The following CDH1 variants were observed in gnomAD, a reference collection of about 807,000 sequenced individuals.
CDH1 encodes cadherin-1.
A neutral mutation model predicts 84.5 loss-of-function variants in CDH1; 35 were observed. The ratio of observed to expected loss-of-function variants is 0.41; its 90% CI spans 0.32 to 0.55. The LOEUF is 0.55. Among genes scored for constraint, CDH1 ranks in the 20% least tolerant of loss-of-function variants. CDH1 has a pLI of 0.19. For synonymous variants in CDH1, 417 were observed against 439.0 expected, an observed-to-expected ratio of 0.95 and a Z score of 0.63; for missense variants, 994 against 1,126.6, an observed-to-expected ratio of 0.88 and a Z score of 1.68.
intron 10 of CDH1, among the ~76,000 whole-genome samples, chr16:68,818,721 G>A (rs1216612435): frequency 6.6e-6 from 1 of 150,704 alleles, no homozygotes; most frequent in African/African-American, 2.4e-5. Flanking sequence ...GTGATGGCGG[G>A]CGCCTCTAGT....
Position 68,833,574 on chromosome 16 carries a change from T to A in CDH1, c.*75T>A. On this transcript the variant is annotated 3_prime_UTR_variant, in exon 16 of 16. Coordinates refer to ENST00000261769, the MANE Select transcript of CDH1 (RefSeq NM_004360.5). The stretch of plus-strand genomic sequence containing the variant: ...ATCACGTTGCTGGTGGTTTTTCAGC[T>A]CCCTTCCCTTGAGATGAGTTTCTGG... The A allele has an allele frequency of 1.7e-6, 2 of 1,177,536 alleles. No homozygotes were observed. The highest frequency in any genetic ancestry group is 1.2e-5 in the South Asian group (1 of 81,892). The allele number at this position is 1,177,536 out of a possible 1,614,324, so 72.9% of individuals were successfully genotyped here.
chr16:68,737,462 A>T lies in CDH1; in HGVS notation c.47A>T (p.Gln16Leu), dbSNP rs775705607. 1 of 1,537,364 alleles carries T rather than the reference A, an allele frequency of 6.5e-7. No homozygotes were observed. The highest frequency in any genetic ancestry group is 8.7e-7 in the Non-Finnish European group (1 of 1,148,352). Residue 16 changes from glutamine (Q) to leucine (L), a missense_variant and splice_region_variant, in exon 1 of 16, where the codon CAG (glutamine) becomes CTG (leucine). Physicochemically the swap from Gln to Leu is moderately radical, Grantham distance 113. This residue lies in a region of CDH1 where 203 missense variants were observed against 194.0 expected (regional missense o/e 1.05). Coordinates refer to ENST00000261769, the MANE Select transcript of CDH1 (RefSeq NM_004360.5). Reference sequence around the variant, plus strand: ...CTCTCGGCGCTGCTGCTGCTGCTGCAGGTACCCCGGATCCCCTGACTTGCG... The same window carrying T: ...CTCTCGGCGCTGCTGCTGCTGCTGCTGGTACCCCGGATCCCCTGACTTGCG... ...RSLSALLLLL[Q>L]VSSWLCQEPE...
At position 68,821,885 on chromosome 16, in the gene CDH1, GGCC is replaced by G. The variant is rs1961152611; in HGVS notation, c.1712-115_1712-113del. ...ACAGGAGGTTCTGCGGGTGGAGTGG[GGCC>G]TGGTGAGGGACCACTGAAGAGCCAG... On this transcript the variant is annotated intron_variant, in intron 11 of 15. Coordinates refer to ENST00000261769, the MANE Select transcript of CDH1 (RefSeq NM_004360.5). The G allele has an allele frequency of 8.8e-5, 71 of 803,856 alleles. 1 individual carries two copies. The South Asian group carries it at 9.6e-4, about 11-fold the overall frequency. The allele number at this position is 803,856 out of a possible 1,614,324, so 49.8% of individuals were successfully genotyped here. A position where few individuals can be genotyped will look rare whatever the true frequency, so the allele number is the denominator to read the frequency against.
At chr16:68,758,809 A>ATT (rs71268475) in intron 2 of CDH1, among the ~76,000 whole-genome samples, 32,475 of 142,206 alleles carry the variant, frequency 0.23, 4,200 homozygotes, top group East Asian at 0.29. Flanking sequence ...TTTGAGTGCA[A>ATT]TTTTTTTTTT....
chr16:68,829,632 C>T (rs763184960), intron 14 of CDH1, 22 bp from the exon 15 acceptor site: 1 of 1,613,476 alleles, frequency 6.2e-7, no homozygotes, highest in South Asian at 1.1e-5. Flanking sequence ...CTTCATTGTA[C>T]TTCAACCTTT....
chr16:68,745,402 C>T (rs896460716), intron 2 of CDH1, among the ~76,000 whole-genome samples: 2 of 150,254 alleles, frequency 1.3e-5, no homozygotes, highest in Non-Finnish European at 1.5e-5. Context: ...ATTTGCTGGG[C>T]GTGGTGGCAT....
chr16:68,772,673 G>T (rs1400468805), intron 2 of CDH1, among the ~76,000 whole-genome samples: 1 of 152,168 alleles, frequency 6.6e-6, no homozygotes, highest in Non-Finnish European at 1.5e-5. Flanking sequence ...GGTGGCTCAA[G>T]CCTGTAATCC....
At position 68,834,513 on chromosome 16, in the gene CDH1, A is replaced by G. The variant is rs1961587226; in HGVS notation, c.*1014A>G. ...ATTGTGGGCATGAGCTGCTGTGCCC[A>G]GCCTCCATGTTTTAATATCAACTCT... On this transcript the variant is annotated 3_prime_UTR_variant, in exon 16 of 16. Transcript: ENST00000261769. The G allele has an allele frequency of 3.7e-6, 1 of 272,668 alleles. No individual in the cohort carries two copies. The highest frequency in any genetic ancestry group is 2.2e-5 in the African/African-American group (1 of 45,698). 16.9% of individuals were successfully genotyped at this position (272,668 alleles called of 1,614,324 possible).
At chr16:68,829,347 G>A (rs144530334) in intron 14 of CDH1, among the ~76,000 whole-genome samples, 46 of 152,296 alleles carry the variant, frequency 3.0e-4, no homozygotes, top group Middle Eastern at 6.8e-3. Flanking sequence ...CTCACAAGCT[G>A]GGGTTGGGAG....
intron 2 of CDH1, among the ~76,000 whole-genome samples, chr16:68,776,741 G>A (rs548458868): frequency 6.6e-6 from 1 of 152,302 alleles, no homozygotes; most frequent in Non-Finnish European, 1.5e-5. Flanking sequence ...GGAAAGCTGA[G>A]CATGTTTTGA....
chr16:68,811,985 A>C, intron 7 of CDH1, 126 bp downstream of exon 7: 1 of 1,402,594 alleles, frequency 7.1e-7, no homozygotes, highest in South Asian at 1.2e-5. Flanking sequence ...CTTTGCATCT[A>C]AGCTTGTGCC....
chr16:68,829,846 G>C (rs750982806), intron 15 of CDH1, 49 bp downstream of exon 15: 1 of 1,584,874 alleles, frequency 6.3e-7, no homozygotes, highest in Non-Finnish European at 8.6e-7. Context: ...TCTAAGCTCA[G>C]GAGGAGTTGT....
At chr16:68,800,841 A>T (rs1380031645) in intron 2 of CDH1, among the ~76,000 whole-genome samples, 3 of 152,122 alleles carry the variant, frequency 2.0e-5, no homozygotes, top group Admixed American at 2.0e-4. Context: ...ACCCTCTTTT[A>T]TTTTAATTTC....
At chr16:68,752,872 T>C (rs1001032924) in intron 2 of CDH1, among the ~76,000 whole-genome samples, 2 of 152,188 alleles carry the variant, frequency 1.3e-5, no homozygotes, top group African/African-American at 4.8e-5. Flanking sequence ...TGGTTTCCTA[T>C]TGTGTGGGTA....
chr16:68,743,057 T>TG (rs908917019), intron 2 of CDH1, among the ~76,000 whole-genome samples: 31 of 152,348 alleles, frequency 2.0e-4, no homozygotes, highest in Admixed American at 1.7e-3. Context: ...AGTGGGGCCC[T>TG]GCCTGCCCCT....
intron 2 of CDH1, among the ~76,000 whole-genome samples, chr16:68,794,913 C>T (rs925259065): frequency 1.7e-4 from 26 of 151,362 alleles, no homozygotes; most frequent in African/African-American, 6.3e-4. Flanking sequence ...AGGATGGTCT[C>T]GATCTCCTGA....
chr16:68,796,138 G>A (rs372634969), intron 2 of CDH1, among the ~76,000 whole-genome samples: 3 of 151,982 alleles, frequency 2.0e-5, no homozygotes, highest in South Asian at 2.1e-4. Context: ...ACTCCAGCCC[G>A]GGTGACAGTG....
At chr16:68,744,050 T>G (rs1249606459) in intron 2 of CDH1, among the ~76,000 whole-genome samples, 1 of 152,238 alleles carries the variant, frequency 6.6e-6, no homozygotes, top group Non-Finnish European at 1.5e-5. Context: ...GAGAATATTT[T>G]CAACAGTAGT....
intron 1 of CDH1, 134 bp downstream of exon 1, chr16:68,737,597 G>GC: frequency 1.2e-6 from 1 of 823,542 alleles, no homozygotes; most frequent in Non-Finnish European, 1.9e-6. Flanking sequence ...GAGCGGAGCG[G>GC]CCTGGAAGCC....
Sources: allele counts gnomAD v4.1 joint callset (sites outside exome capture counted in the v4.1 genomes callset), GRCh38; gene constraint gnomAD v4.1.1; regional missense constraint gnomAD v4.1.1; transcripts MANE v1.5; gene names NCBI Gene and HGNC (gene_info 2026-07-23, HGNC 2026-07-21).